ORM2: variants seen among roughly 807,000 people sequenced by gnomAD.
The protein encoded by ORM2 is orosomucoid 2.
ORM2 carries 19 observed loss-of-function variants against 26.8 expected under a neutral mutation model. The observed-to-expected ratio is 0.71, with a 90% CI of 0.49 to 1.04. The LOEUF is 1.04. Ranked by LOEUF, ORM2 falls within the 50% of genes least tolerant of loss-of-function variation. The pLI is 0.00. For synonymous variants in ORM2, 94 were observed against 100.0 expected (o/e 0.94, Z 0.36); for missense variants, 259 against 244.9 (o/e 1.06, Z -0.39).
chr9:114,330,652 G>A (rs1161366674), intron 2 of ORM2, 76 bp downstream of exon 2: 7 of 1,599,808 alleles, frequency 4.4e-6, no homozygotes, highest in Non-Finnish European at 6.0e-6. Context: ...CCTTCTTCCT[G>A]GCCTTGGCCT....
chr9:114,331,325 A>C (rs1829847398), intron 3 of ORM2, among the ~76,000 whole-genome samples: 1 of 152,066 alleles, frequency 6.6e-6, no homozygotes, highest in Non-Finnish European at 1.5e-5. Flanking sequence ...CCTCCTCTGT[A>C]AAACGGGGAG....
chr9:114,331,399 C>T (rs555919799), intron 3 of ORM2, among the ~76,000 whole-genome samples, 168 bp from the exon 4 acceptor site: 3 of 152,132 alleles, frequency 2.0e-5, no homozygotes, highest in Admixed American at 6.5e-5. Flanking sequence ...AAGTGCTTGG[C>T]GTGGAGCTGG....
chr9:114,330,763 T>C, intron 2 of ORM2, 29 bp from the exon 3 acceptor site: 1 of 1,611,484 alleles, frequency 6.2e-7, no homozygotes, highest in South Asian at 1.1e-5. Context: ...AACATTACTG[T>C]TTTTCTTCCG....
Position 114,329,975 on chromosome 9 carries a change from C to G in ORM2, c.71C>G (p.Ala24Gly). Residue 24 changes from alanine (A) to glycine (G), a missense_variant, in exon 1 of 6, where the codon GCC becomes GGC. Around this residue, in one of 2 missense-constraint regions of ORM2, gnomAD observed 251 missense variants for 220.5 expected, o/e 1.14. Transcript: ENST00000431067. ...CTGGAAGCCCAGATCCCATTGTGTG[C>G]CAACCTAGTACCGGTGCCCATCACC... ...PLLEAQIPLCANLVPVPITNA... is the reference protein window; with the variant it reads ...PLLEAQIPLCGNLVPVPITNA... 1 of 1,562,544 alleles carries G rather than the reference C, an allele frequency of 6.4e-7. No individual in the cohort carries two copies. The highest frequency in any genetic ancestry group is 1.1e-5 in the South Asian group (1 of 89,096).
chr9:114,331,588 C>G lies in ORM2; in HGVS notation c.350C>G (p.Ala117Gly). 6.2e-7 allele frequency: 1 copy of G among 1,613,928 alleles called. No homozygotes were observed. Residue 117 changes from alanine (A) to glycine (G), a missense_variant, in exon 4 of 6, where the codon GCT becomes GGT. This residue lies in a region of ORM2 where 251 missense variants were observed against 220.5 expected (regional missense o/e 1.14). Coordinates refer to ENST00000431067, the MANE Select transcript of ORM2 (RefSeq NM_000608.4). ...SRYEGGREHV[A>G]HLLFLRDTKT... ...CCAGAGGGAGGCCGAGAACATGTTG[C>G]TCACCTGCTGTTCCTTAGGGACACC...
rs1394928955 is a variant in ORM2, at chr9:114,332,964, C to T, written c.541-105C>T. On this transcript the variant is annotated intron_variant, in intron 5 of 5. Transcript: ENST00000431067. ...TGCCAGGGTTGGAGCCCTGGTTGAG[C>T]TGGTTCCACAGGCCAGAGCTCATTC... 6 of 1,552,602 alleles carry T rather than the reference C, an allele frequency of 3.9e-6. No homozygotes were observed. In the African/African-American group the frequency reaches 6.8e-5, roughly 18 times the overall value.
At position 114,331,944 on chromosome 9, in the gene ORM2, T is replaced by C. The variant is rs770399755; in HGVS notation, c.540+15T>C. 7 of 1,610,364 alleles carry C rather than the reference T, an allele frequency of 4.3e-6. 1 individual carries two copies. The South Asian group carries it at 7.7e-5, about 18-fold the overall frequency. ...ACTGGAAAAAGGTAAACGCAAGGGA[T>C]TGGACAGTGCCCACCTTGTCCATGG... On this transcript the variant is annotated intron_variant, in intron 5 of 5. Coordinates refer to ENST00000431067, the MANE Select transcript of ORM2 (RefSeq NM_000608.4).
At position 114,330,861 on chromosome 9, in the gene ORM2, C is replaced by A. The variant is rs148334624; in HGVS notation, c.327C>A (p.Tyr109Ter). The stretch of plus-strand genomic sequence containing the variant: ...GGGAGAATGGGACCGTCTCCAGATA[C>A]GGTGAGGGCCAGCCCTCAGGCAGGA... ...VQRENGTVSR[Y>*]EGGREHVAHL... Residue 109 changes from tyrosine (Y) to a stop codon, truncating the protein, a stop_gained and splice_region_variant, in exon 3 of 6, where the codon TAC (tyrosine) becomes TAA (stop). Transcript: ENST00000431067. LOFTEE classifies it high-confidence loss of function. 5 of 1,613,336 alleles carry A rather than the reference C, an allele frequency of 3.1e-6. No homozygotes were observed. In the East Asian group the frequency reaches 6.7e-5, roughly 22 times the overall value.
chr9:114,331,381 T>C (rs539183458), intron 3 of ORM2, among the ~76,000 whole-genome samples, 186 bp from the exon 4 acceptor site: 1 of 151,960 alleles, frequency 6.6e-6, no homozygotes, highest in East Asian at 1.9e-4. Context: ...TGAGATCTCA[T>C]GTACAGAAAG....
At chr9:114,331,492 A>G (rs1829850212) in intron 3 of ORM2, 75 bp from the exon 4 acceptor site, 5 of 1,220,452 alleles carry the variant, frequency 4.1e-6, no homozygotes, top group Admixed American at 1.8e-5. Context: ...GGACACACCT[A>G]GGACTCCTCA....
At chr9:114,331,008 A>T (rs572304660) in intron 3 of ORM2, 146 bp downstream of exon 3, 20 of 650,400 alleles carry the variant, frequency 3.1e-5, no homozygotes, top group Non-Finnish European at 5.4e-5. Flanking sequence ...TGCTCAGAAA[A>T]AATCCCTAAG....
At chr9:114,330,314 C>T in intron 1 of ORM2, 120 bp from the exon 2 acceptor site, 1 of 1,125,634 alleles carries the variant, frequency 8.9e-7, no homozygotes, top group East Asian at 2.5e-5. Flanking sequence ...GCGCACTGCC[C>T]ACCAGGGGCC....
At chr9:114,330,722 T>G (rs1458766993) in intron 2 of ORM2, 70 bp from the exon 3 acceptor site, 3 of 1,597,632 alleles carry the variant, frequency 1.9e-6, no homozygotes, top group Admixed American at 3.3e-5. Context: ...GCCCCGGGAC[T>G]GTGATGGGCG....
rs970091086 is a variant in ORM2, at chr9:114,331,851, G to A, written c.462G>A (p.Glu154=). 1.2e-6 allele frequency: 2 copies of A among 1,613,694 alleles called. No homozygotes were observed. The highest frequency in any genetic ancestry group is 2.7e-5 in the African/African-American group (2 of 74,774). ...CTGACAAGCCAGAGACGACCAAGGA[G>A]CAACTGGGAGAGTTCTACGAAGCTC... ...FYADKPETTK[E]QLGEFYEALD... Residue 154 remains glutamate (E), a synonymous_variant, in exon 5 of 6, where the codon GAG becomes GAA. Transcript: ENST00000431067.
chr9:114,331,801 G>A (rs763259950), intron 4 of ORM2, 25 bp from the exon 5 acceptor site: 9 of 1,610,030 alleles, frequency 5.6e-6, no homozygotes, highest in Non-Finnish European at 7.6e-6. Flanking sequence ...CATGTCCCCA[G>A]TCAGTCTCCT....
At position 114,330,475 on chromosome 9, in the gene ORM2, C is replaced by T. The variant is rs778501228; in HGVS notation, c.156C>T (p.Asn52=). ...TTTATATCGCATCGGCCTTTCGAAA[C>T]GAGGAGTACAATAAGTCGGTTCAGG... ...KWFYIASAFR[N]EEYNKSVQEI... is the part of the protein sequence containing the mutation. The change falls in exon 2 of 6, where the codon AAC becomes AAT. Residue 52 remains asparagine (N), a synonymous_variant. Coordinates refer to ENST00000431067, the MANE Select transcript of ORM2 (RefSeq NM_000608.4). 4.2e-5 allele frequency: 67 copies of T among 1,610,068 alleles called. No individual in the cohort carries two copies. Among genetic ancestry groups the T allele is most frequent in the Middle Eastern group, 1.6e-4 (1 of 6,074 alleles).
Position 114,330,528 on chromosome 9 carries a change from C to A in ORM2, c.209C>A (p.Thr70Asn), listed in dbSNP as rs753381962. 6.2e-7 allele frequency: 1 copy of A among 1,612,378 alleles called. No homozygotes were observed. Among genetic ancestry groups the A allele is most frequent in the Non-Finnish European group, 8.5e-7 (1 of 1,179,882 alleles). ...QEIQATFFYFTPNKTEDTIFL... is the reference protein window; with the variant it reads ...QEIQATFFYFNPNKTEDTIFL... ...ATCCAAGCAACCTTCTTTTACTTTA[C>A]CCCCAACAAGACAGAGGACACGATC... The change falls in exon 2 of 6, where the codon ACC becomes AAC. Residue 70 changes from threonine to asparagine, a missense_variant. Around this residue, in one of 2 missense-constraint regions of ORM2, gnomAD observed 251 missense variants for 220.5 expected, o/e 1.14. Transcript: ENST00000431067.
At chr9:114,332,259 C>T (rs1357032967) in intron 5 of ORM2, among the ~76,000 whole-genome samples, 31 of 152,050 alleles carry the variant, frequency 2.0e-4, no homozygotes, top group Admixed American at 1.9e-3. Context: ...AAACCCCAGG[C>T]TTTCACCCCA....
rs747324040 is a variant in ORM2 at position 114,330,802 on chromosome 9, T to G, written c.268T>G (p.Cys90Gly). 3.1e-6 allele frequency: 5 copies of G among 1,613,776 alleles called. No homozygotes were observed. The African/African-American group carries it at 4.0e-5, about 13-fold the overall frequency. ...TCTGGTTGACTTTAGCCAGAACCAG[T>G]GCTTCTATAACTCCAGTTACCTGAA... is the stretch of plus-strand genomic sequence containing the variant. Reference protein sequence around the residue: ...LREYQTRQNQCFYNSSYLNVQ... With the variant: ...LREYQTRQNQGFYNSSYLNVQ... Residue 90 changes from cysteine to glycine, a missense_variant, in exon 3 of 6, where the codon TGC becomes GGC. Coordinates refer to ENST00000431067, the MANE Select transcript of ORM2 (RefSeq NM_000608.4).
Sources: gnomAD v4.1 joint callset for allele counts (sites outside exome capture counted in the v4.1 genomes callset) on GRCh38, gnomAD v4.1.1 for gene constraint, gnomAD v4.1.1 regional missense constraint, MANE v1.5 for transcripts, NCBI Gene and HGNC (gene_info 2026-07-23, HGNC 2026-07-21) for gene names.